Variants in JAZF1 observed in about 807,000 individuals in gnomAD.
JAZF1 encodes juxtaposed with another zinc finger protein 1.
A neutral mutation model predicts 26.4 loss-of-function variants in JAZF1; 8 were observed. That is an observed-to-expected ratio of 0.30 (90% CI 0.18 to 0.55). The LOEUF (loss-of-function observed/expected upper bound fraction) is 0.55. JAZF1 is among the 20% of genes least tolerant of loss of function. The probability of loss-of-function intolerance (pLI) is 0.94; values close to 1 mark genes in which losing one functional copy is unlikely to be tolerated. For missense variants in JAZF1, 199 were observed against 322.0 expected (o/e 0.62, Z 2.92); for synonymous variants, 126 against 122.3 (o/e 1.03, Z -0.20).
intron 1 of JAZF1, among the ~76,000 whole-genome samples, chr7:28,075,408 T>C (rs1385819224): frequency 1.3e-5 from 2 of 152,214 alleles, no homozygotes; most frequent in Non-Finnish European, 2.9e-5. Context: ...ATAAAAAGTA[T>C]GTATTAAGTA....
intron 1 of JAZF1, among the ~76,000 whole-genome samples, chr7:28,038,023 A>G (rs1783323561): frequency 6.6e-6 from 1 of 152,220 alleles, no homozygotes; most frequent in African/African-American, 2.4e-5. Flanking sequence ...TCAAATAGGA[A>G]AAATAAAAAG....
intron 2 of JAZF1, among the ~76,000 whole-genome samples, chr7:27,967,009 T>C (rs1016818902): frequency 1.3e-5 from 2 of 152,226 alleles, no homozygotes; most frequent in Non-Finnish European, 2.9e-5. Flanking sequence ...TCTATGCCAG[T>C]GATAAACCAA....
intron 2 of JAZF1, among the ~76,000 whole-genome samples, chr7:27,903,387 G>T (rs1353665412): frequency 1.3e-5 from 2 of 152,108 alleles, no homozygotes; most frequent in Non-Finnish European, 2.9e-5. Flanking sequence ...TAAAGATGGG[G>T]TTTTACCATG....
intron 1 of JAZF1, among the ~76,000 whole-genome samples, chr7:28,076,881 C>T (rs767058596): frequency 6.6e-6 from 1 of 152,170 alleles, no homozygotes; most frequent in Non-Finnish European, 1.5e-5. Context: ...ACATGACATC[C>T]TATTGCATAA....
chr7:28,087,706 T>C (rs1310090118), intron 1 of JAZF1, among the ~76,000 whole-genome samples: 1 of 152,186 alleles, frequency 6.6e-6, no homozygotes, highest in Non-Finnish European at 1.5e-5. Flanking sequence ...AGCTTTAGAA[T>C]GTCATCAGTC....
At chr7:28,066,306 A>G (rs1255628395) in intron 1 of JAZF1, among the ~76,000 whole-genome samples, 1 of 152,178 alleles carries the variant, frequency 6.6e-6, no homozygotes, top group East Asian at 1.9e-4. Flanking sequence ...AGTGGCAAAG[A>G]AAGCATCAAC....
In JAZF1 at chr7:27,832,110, A is replaced by G; in HGVS notation, c.*690T>C. ...GAACGAACTGAATAGACTATTTTGT[A>G]CAAAATGCCATTTATAACACTAAAA... On this transcript the variant is annotated 3_prime_UTR_variant, in exon 5 of 5. Transcript: ENST00000283928. 4.7e-6 allele frequency: 1 copy of G among 213,268 alleles called. No homozygotes were observed. The highest frequency in any genetic ancestry group is 9.5e-6 in the Non-Finnish European group (1 of 105,118). 13.2% of individuals were successfully genotyped at this position (213,268 alleles called of 1,614,324 possible).
At chr7:27,922,246 G>A (rs750905009) in intron 2 of JAZF1, among the ~76,000 whole-genome samples, 8 of 152,198 alleles carry the variant, frequency 5.3e-5, no homozygotes, top group Non-Finnish European at 1.2e-4. Flanking sequence ...TGGTTATAAA[G>A]TATTCTTTTT....
intron 1 of JAZF1, among the ~76,000 whole-genome samples, chr7:28,039,253 G>A (rs188133609): frequency 5.9e-5 from 9 of 152,028 alleles, no homozygotes; most frequent in East Asian, 1.9e-4. Context: ...GGGAACACAC[G>A]CACATGCGCA....
At chr7:28,033,558 C>T (rs1422134825) in intron 1 of JAZF1, among the ~76,000 whole-genome samples, 3 of 152,172 alleles carry the variant, frequency 2.0e-5, no homozygotes, top group African/African-American at 7.2e-5. Context: ...TGGGGAATTA[C>T]TGTAATGTGA....
At chr7:28,052,285 AATGGGTG>A in intron 1 of JAZF1, among the ~76,000 whole-genome samples, 1 of 152,344 alleles carries the variant, frequency 6.6e-6, no homozygotes, top group Admixed American at 6.5e-5. Flanking sequence ...CATATTAAAA[AATGGGTG>A]CTTCTGCTCT....
Position 27,957,804 on chromosome 7 carries a change from A to C in JAZF1, c.188+34105T>G, listed in dbSNP as rs191959842. Among the ~76,000 whole-genome samples the C allele has an allele frequency of 1.5e-3, 227 of 152,374 alleles. 1 individual carries two copies. The highest frequency in any genetic ancestry group is 2.2e-3 in the Non-Finnish European group (149 of 68,030). Reference sequence around the variant, plus strand: ...CAAATCATAAAAGATTCTTAATAAGAAACCCCAATTAGTTAATTAAAATTT... The same window carrying C: ...CAAATCATAAAAGATTCTTAATAAGCAACCCCAATTAGTTAATTAAAATTT... On this transcript the variant is annotated intron_variant, in intron 2 of 4. Coordinates refer to ENST00000283928, the MANE Select transcript of JAZF1 (RefSeq NM_175061.4).
At chr7:27,887,380 T>C (rs1783886781) in intron 3 of JAZF1, among the ~76,000 whole-genome samples, 1 of 152,162 alleles carries the variant, frequency 6.6e-6, no homozygotes. Flanking sequence ...GAAAAAGATC[T>C]ATTATGATTA....
intron 1 of JAZF1, among the ~76,000 whole-genome samples, chr7:28,044,233 T>C (rs2128378151): frequency 6.6e-6 from 1 of 152,306 alleles, no homozygotes; most frequent in East Asian, 1.9e-4. Context: ...TCTTAGCTAG[T>C]AAGTGTCCAT....
intron 2 of JAZF1, among the ~76,000 whole-genome samples, chr7:27,944,826 C>T (rs533031660): frequency 2.5e-4 from 38 of 152,090 alleles, no homozygotes; most frequent in Non-Finnish European, 4.9e-4. Context: ...AGCTTCATTT[C>T]TATTTTGGAG....
intron 1 of JAZF1, among the ~76,000 whole-genome samples, chr7:28,139,573 G>T (rs1429652676): frequency 1.3e-5 from 2 of 152,148 alleles, no homozygotes; most frequent in Admixed American, 1.3e-4. Context: ...ACCTGGTATC[G>T]ACCCTTCCCT....
chr7:27,886,003 A>T (rs1783855455), intron 3 of JAZF1, among the ~76,000 whole-genome samples: 1 of 152,182 alleles, frequency 6.6e-6, no homozygotes, highest in Non-Finnish European at 1.5e-5. Flanking sequence ...AACATAAGCC[A>T]TTTCCACCAT....
At chr7:27,970,290 G>C (rs1785352884) in intron 2 of JAZF1, among the ~76,000 whole-genome samples, 1 of 152,114 alleles carries the variant, frequency 6.6e-6, no homozygotes, top group Non-Finnish European at 1.5e-5. Context: ...CAAAACTTTG[G>C]AATCACATAA....
intron 2 of JAZF1, among the ~76,000 whole-genome samples, chr7:27,985,690 T>C (rs1785685251): frequency 6.6e-6 from 1 of 152,176 alleles, no homozygotes; most frequent in Non-Finnish European, 1.5e-5. Context: ...TGAACATCGA[T>C]GCAAAAATCC....
Sources: gnomAD v4.1 joint callset for allele counts (sites outside exome capture counted in the v4.1 genomes callset) on GRCh38, gnomAD v4.1.1 for gene constraint, MANE v1.5 for transcripts, NCBI Gene and HGNC (gene_info 2026-07-23, HGNC 2026-07-21) for gene names.